The following PPP1R14A variants were observed in gnomAD, a reference collection of about 807,000 sequenced individuals.
The protein encoded by PPP1R14A is protein phosphatase 1 regulatory inhibitor subunit 14A.
Under a neutral mutation model 14.1 loss-of-function variants are expected in PPP1R14A, and 9 were observed. The ratio of observed to expected loss-of-function variants is 0.64; its 90% CI spans 0.38 to 1.11. The LOEUF is 1.11. Among genes scored for constraint, PPP1R14A ranks in the 50% most tolerant of loss-of-function variants. PPP1R14A has a pLI of 0.01. For missense variants in PPP1R14A, 208 were observed against 200.7 expected, an observed-to-expected ratio of 1.04 and a Z score of -0.22; for synonymous variants, 93 against 88.7, an observed-to-expected ratio of 1.05 and a Z score of -0.27.
At chr19:38,255,894 C>T (rs1039260804) in intron 1 of PPP1R14A, among the ~76,000 whole-genome samples, 4 of 151,982 alleles carry the variant, frequency 2.6e-5, no homozygotes, top group African/African-American at 9.7e-5. Context: ...TGGCCCTCCA[C>T]AGGCGTTTGG....
chr19:38,252,179 C>A lies in PPP1R14A; in HGVS notation c.315+127G>T. 1 of 807,270 alleles carries A rather than the reference C, an allele frequency of 1.2e-6. No individual in the cohort carries two copies. The highest frequency in any genetic ancestry group is 2.0e-6 in the Non-Finnish European group (1 of 487,952). The allele number at this position is 807,270 out of a possible 1,614,324, so 50.0% of individuals were successfully genotyped here. On this transcript the variant is annotated intron_variant, in intron 3 of 3. Transcript: ENST00000301242. This position sits in a 1 kb window ranked among gnomAD's most constrained non-coding sequence, Gnocchi z 4.1. ...GGAGACCAGAAAGAGCTGCGGAGGG[C>A]AGGTTGGGGCCGGGGGTGGTGGGGC... is the stretch of plus-strand genomic sequence containing the variant.
intron 1 of PPP1R14A, among the ~76,000 whole-genome samples, chr19:38,255,331 G>A (rs1968234748): frequency 6.6e-6 from 1 of 152,180 alleles, no homozygotes; most frequent in Non-Finnish European, 1.5e-5. Flanking sequence ...TTTTCCCCAT[G>A]TTGCCCAGGC....
intron 1 of PPP1R14A, among the ~76,000 whole-genome samples, chr19:38,254,741 C>A (rs976003479): frequency 6.6e-6 from 1 of 152,196 alleles, no homozygotes; most frequent in African/African-American, 2.4e-5. Flanking sequence ...CTGTGAGCAG[C>A]GGTGGGTTCT....
intron 3 of PPP1R14A, 92 bp from the exon 4 acceptor site, chr19:38,251,538 C>A: frequency 1.6e-6 from 2 of 1,217,188 alleles, no homozygotes; most frequent in Middle Eastern, 2.7e-4. Context: ...GGCGCCTCCT[C>A]CTGTTCTCTG....
rs1450896139 is a variant in PPP1R14A, at chr19:38,252,724, A to G, written c.282+170T>C. On this transcript the variant is annotated intron_variant, in intron 2 of 3. Transcript: ENST00000301242. The surrounding 1 kb of genome is among the most constrained non-coding windows in gnomAD (Gnocchi z 4.1). ...TTTCCTCATGGGGAAAATGGAGCTC[A>G]CACTAGCGCCTGCTTCGGAGGGTTT... Among the ~76,000 whole-genome samples, 1 of 152,168 alleles carries G rather than the reference A, an allele frequency of 6.6e-6. No individual in the cohort carries two copies. Among genetic ancestry groups the G allele is most frequent in the Non-Finnish European group, 1.5e-5 (1 of 68,038 alleles).
Position 38,252,731 on chromosome 19 carries a change from C to T in PPP1R14A, c.282+163G>A, listed in dbSNP as rs55997240. Reference sequence around the variant, plus strand: ...ATGGGGAAAATGGAGCTCACACTAGCGCCTGCTTCGGAGGGTTTTGTGAGG... The same window carrying T: ...ATGGGGAAAATGGAGCTCACACTAGTGCCTGCTTCGGAGGGTTTTGTGAGG... On this transcript the variant is annotated intron_variant, in intron 2 of 3. Coordinates refer to ENST00000301242, the MANE Select transcript of PPP1R14A (RefSeq NM_033256.3). The surrounding 1 kb of genome is among the most constrained non-coding windows in gnomAD (Gnocchi z 4.1). Among the ~76,000 whole-genome samples the T allele has an allele frequency of 0.16, 24,568 of 152,106 alleles. 2,214 individuals carry two copies. The highest frequency in any genetic ancestry group is 0.21 in the East Asian group (1,060 of 5,150).
rs1242214352 is a variant in PPP1R14A at position 38,256,194 on chromosome 19, C to T, written c.146G>A (p.Arg49Gln). The T allele has an allele frequency of 6.5e-7, 1 of 1,549,538 alleles. No individual in the cohort carries two copies. Among genetic ancestry groups the T allele is most frequent in the Non-Finnish European group, 8.7e-7 (1 of 1,151,414 alleles). ...VKYDRRELQR[R>Q]LDVEKWIDGR... ...GTCGATCCACTTCTCCACGTCCAGC[C>T]GCCGCTGCAGCTCCCGCCGGTCATA... The change falls in exon 1 of 4, where the codon CGG (arginine) becomes CAG (glutamine). Residue 49 changes from arginine to glutamine, a missense_variant. Coordinates refer to ENST00000301242, the MANE Select transcript of PPP1R14A (RefSeq NM_033256.3). This position sits in a 1 kb window ranked among gnomAD's most constrained non-coding sequence, Gnocchi z 5.7.
chr19:38,256,071 A>G lies in PPP1R14A; in HGVS notation c.201+68T>C. On this transcript the variant is annotated intron_variant, in intron 1 of 3. Coordinates refer to ENST00000301242, the MANE Select transcript of PPP1R14A (RefSeq NM_033256.3). The surrounding 1 kb of genome is among the most constrained non-coding windows in gnomAD (Gnocchi z 5.7). ...CCAGCGAGTGTGCACCGAGACCCCAAGGGCGTGGGGTCTCCGCGCCCGGGC... is the reference window on the plus strand; with the variant it reads ...CCAGCGAGTGTGCACCGAGACCCCAGGGGCGTGGGGTCTCCGCGCCCGGGC... 1 of 1,360,450 alleles carries G rather than the reference A, an allele frequency of 7.4e-7. No individual in the cohort carries two copies. The highest frequency in any genetic ancestry group is 9.9e-7 in the Non-Finnish European group (1 of 1,010,380). The allele number at this position is 1,360,450 out of a possible 1,614,324, so 84.3% of individuals were successfully genotyped here.
At chr19:38,255,604 T>G (rs1968238109) in intron 1 of PPP1R14A, among the ~76,000 whole-genome samples, 2 of 151,502 alleles carry the variant, frequency 1.3e-5, no homozygotes, top group Admixed American at 6.6e-5. Flanking sequence ...GACTGTAGCA[T>G]ATGTTGAACT....
At chr19:38,253,104 C>T (rs530182283) in intron 1 of PPP1R14A, 130 bp from the exon 2 acceptor site, 11 of 686,552 alleles carry the variant, frequency 1.6e-5, no homozygotes, top group East Asian at 5.1e-5. Context: ...TGTGGCAGTC[C>T]GGGACAGCAC....
chr19:38,253,137 G>A, intron 1 of PPP1R14A, 163 bp from the exon 2 acceptor site: 2 of 603,054 alleles, frequency 3.3e-6, no homozygotes, highest in Non-Finnish European at 5.9e-6. Context: ...ACATCTGGGT[G>A]TTGGGGGGGA....
At chr19:38,253,886 T>A (rs1968218182) in intron 1 of PPP1R14A, among the ~76,000 whole-genome samples, 1 of 152,200 alleles carries the variant, frequency 6.6e-6, no homozygotes, top group Non-Finnish European at 1.5e-5. Flanking sequence ...CATCGTGCAG[T>A]GGCTTCGTAT....
chr19:38,254,443 T>TA (rs1490853321), intron 1 of PPP1R14A, among the ~76,000 whole-genome samples: 2 of 152,150 alleles, frequency 1.3e-5, no homozygotes, highest in Non-Finnish European at 2.9e-5. Context: ...TAGCTGGGAT[T>TA]ACAGCTGCCT....
intron 1 of PPP1R14A, among the ~76,000 whole-genome samples, chr19:38,255,638 C>T (rs1013406260): frequency 2.1e-5 from 3 of 145,760 alleles, no homozygotes; most frequent in East Asian, 2.3e-4. Flanking sequence ...CCCCAGCCCC[C>T]GCTTGTGTCC....
chr19:38,255,453 C>A (rs900265221), intron 1 of PPP1R14A, among the ~76,000 whole-genome samples: 1 of 152,186 alleles, frequency 6.6e-6, no homozygotes, highest in Admixed American at 6.5e-5. Context: ...GGCTGCGGAT[C>A]AGCGCTTGTG....
At position 38,251,369 on chromosome 19, in the gene PPP1R14A, G is replaced by A. The variant is rs151283328; in HGVS notation, c.393C>T (p.His131=). 282 of 1,558,764 alleles carry A rather than the reference G, an allele frequency of 1.8e-4. No homozygotes were observed. The highest frequency in any genetic ancestry group is 2.3e-4 in the Non-Finnish European group (269 of 1,161,396). ...QPGLRQPSPS[H]DGSLSPLQDR... is the part of the protein sequence containing the mutation. ...CCTGGAGGGGGCTGAGGCTGCCGTC[G>A]TGGGAGGGGCTTGGCTGGCGGAGGC... Residue 131 remains histidine, a synonymous_variant, in exon 4 of 4, where the codon CAC becomes CAT. Coordinates refer to ENST00000301242, the MANE Select transcript of PPP1R14A (RefSeq NM_033256.3).
Position 38,251,495 on chromosome 19 carries a change from C to G in PPP1R14A, c.316-49G>C, listed in dbSNP as rs755715143. ...GAACATGGGAACAGTGCGGGGGCAC[C>G]CTCTGCCCCTGTCCAGCCCAGTCCC... On this transcript the variant is annotated intron_variant, in intron 3 of 3. Transcript: ENST00000301242. The G allele has an allele frequency of 2.7e-6, 4 of 1,500,974 alleles. No individual in the cohort carries two copies. In the Admixed American group the frequency reaches 7.9e-5, roughly 30 times the overall value. The allele number at this position is 1,500,974 out of a possible 1,614,324, so 93.0% of individuals were successfully genotyped here. A position where few individuals can be genotyped will look rare whatever the true frequency, so the allele number is the denominator to read the frequency against.
chr19:38,253,394 C>T (rs1003199768), intron 1 of PPP1R14A: 2 of 158,916 alleles, frequency 1.3e-5, no homozygotes, highest in African/African-American at 4.8e-5. Context: ...AGCCAGCAGC[C>T]AGCTGGGGCG....
intron 3 of PPP1R14A, chr19:38,251,988 G>A (rs1270232369): frequency 2.2e-6 from 1 of 448,254 alleles, no homozygotes; most frequent in African/African-American, 2.0e-5. Flanking sequence ...GGGTGGCGGA[G>A]GCAGTGACAG....
Sources: allele counts gnomAD v4.1 joint callset (sites outside exome capture counted in the v4.1 genomes callset), GRCh38; gene constraint gnomAD v4.1.1; non-coding constraint Gnocchi (gnomAD v3.1); transcripts MANE v1.5; gene names NCBI Gene and HGNC (gene_info 2026-07-23, HGNC 2026-07-21).